The following CNTNAP2 variants were observed in gnomAD, a reference collection of about 807,000 sequenced individuals.
The protein encoded by CNTNAP2 is contactin associated protein 2, also known as contactin-associated protein-like 2.
In CNTNAP2, 98 loss-of-function variants were observed where a neutral mutation model predicts 155.2. That is an observed-to-expected ratio of 0.63 (90% CI 0.54 to 0.75). The LOEUF (loss-of-function observed/expected upper bound fraction) is 0.75. Among genes scored for constraint, CNTNAP2 ranks in the 30% least tolerant of loss-of-function variants. CNTNAP2 has a pLI of 0.00. For synonymous variants in CNTNAP2, 651 were observed against 631.2 expected (o/e 1.03, Z -0.47); for missense variants, 1,727 against 1,688.1 (o/e 1.02, Z -0.40).
intron 14 of CNTNAP2, among the ~76,000 whole-genome samples, chr7:147,933,259 A>G (rs560391026): frequency 3.3e-5 from 5 of 152,292 alleles, no homozygotes; most frequent in African/African-American, 1.2e-4. Flanking sequence ...AAAACTGTAT[A>G]GAATGTTCTC....
In CNTNAP2 at chr7:147,128,690, A is replaced by G. The variant is rs1427235271; in HGVS notation, c.940-3A>G. ...GTTTACATTTAATTTCTTTTTCTCA[A>G]AGATAACCTTTGGAGGCATCCCTTT... On this transcript the variant is annotated splice_polypyrimidine_tract_variant and splice_region_variant and intron_variant, in intron 6 of 23. Coordinates refer to ENST00000361727, the MANE Select transcript of CNTNAP2 (RefSeq NM_014141.6). 3 of 1,613,764 alleles carry G rather than the reference A, an allele frequency of 1.9e-6. No homozygotes were observed. The highest frequency in any genetic ancestry group is 2.5e-6 in the Non-Finnish European group (3 of 1,179,868).
chr7:147,829,466 T>C (rs1798514532), intron 13 of CNTNAP2, among the ~76,000 whole-genome samples: 1 of 152,212 alleles, frequency 6.6e-6, no homozygotes. Flanking sequence ...GTGATCATAA[T>C]AGCTCTCCAT....
At chr7:146,474,999 ACGCGCG>A (rs549568997) in intron 1 of CNTNAP2, among the ~76,000 whole-genome samples, 2 of 138,510 alleles carry the variant, frequency 1.4e-5, no homozygotes, top group South Asian at 2.3e-4. Flanking sequence ...ACGAGCGCGC[ACGCGCG>A]CGCGCGCGCA....
intron 2 of CNTNAP2, among the ~76,000 whole-genome samples, chr7:146,802,896 G>A (rs899961390): frequency 1.3e-5 from 2 of 152,148 alleles, no homozygotes; most frequent in Non-Finnish European, 2.9e-5. Flanking sequence ...GAACTTGGAA[G>A]AGGATTGAAG....
intron 13 of CNTNAP2, among the ~76,000 whole-genome samples, chr7:147,654,978 G>C (rs756702728): frequency 6.0e-5 from 9 of 149,654 alleles, no homozygotes; most frequent in Non-Finnish European, 1.3e-4. Context: ...CACCATGCCC[G>C]GCTAATTTTT....
chr7:146,740,670 C>T (rs1168535287), intron 1 of CNTNAP2, among the ~76,000 whole-genome samples: 1 of 152,194 alleles, frequency 6.6e-6, no homozygotes, highest in Non-Finnish European at 1.5e-5. Flanking sequence ...CTGCCAGAAT[C>T]CTGGGTCCTG....
At chr7:146,755,566 C>T (rs1052885058) in intron 1 of CNTNAP2, among the ~76,000 whole-genome samples, 1 of 151,934 alleles carries the variant, frequency 6.6e-6, no homozygotes, top group Non-Finnish European at 1.5e-5. Flanking sequence ...TTTCAAATAA[C>T]ACTACCCAAT....
chr7:147,344,841 C>G (rs1374142570), intron 9 of CNTNAP2, among the ~76,000 whole-genome samples: 2 of 151,972 alleles, frequency 1.3e-5, no homozygotes, highest in Non-Finnish European at 2.9e-5. Flanking sequence ...TCATCTGATT[C>G]TTCTGTTGAC....
chr7:147,333,088 A>G (rs895863544), intron 9 of CNTNAP2, among the ~76,000 whole-genome samples: 3 of 152,172 alleles, frequency 2.0e-5, no homozygotes, highest in Non-Finnish European at 4.4e-5. Flanking sequence ...TCTTGAGGCC[A>G]TAGTGCTCCC....
At chr7:146,147,652 T>G (rs1052990100) in intron 1 of CNTNAP2, among the ~76,000 whole-genome samples, 1 of 152,148 alleles carries the variant, frequency 6.6e-6, no homozygotes, top group African/African-American at 2.4e-5. Flanking sequence ...AAGATTCACC[T>G]GTCACTCTAG....
Position 147,498,547 on chromosome 7 carries a change from G to A in CNTNAP2, c.1777+12506G>A, listed in dbSNP as rs114381105. On this transcript the variant is annotated intron_variant, in intron 11 of 23. Coordinates refer to ENST00000361727, the MANE Select transcript of CNTNAP2 (RefSeq NM_014141.6). ...AGTAAAAATAATACTACAGAATGAT[G>A]CATAGGGCAAAAATAGTATAGAGGA... Among the ~76,000 whole-genome samples the A allele has an allele frequency of 6.6e-3, 1,009 of 152,314 alleles. 10 individuals are homozygous for A. The highest frequency in any genetic ancestry group is 0.023 in the African/African-American group (950 of 41,554).
At chr7:147,859,178 A>T (rs918651980) in intron 13 of CNTNAP2, among the ~76,000 whole-genome samples, 2 of 152,268 alleles carry the variant, frequency 1.3e-5, no homozygotes, top group East Asian at 3.9e-4. Context: ...TTAACAATAC[A>T]TAGCTTCGTA....
At chr7:146,965,395 A>G (rs1402692384) in intron 3 of CNTNAP2, among the ~76,000 whole-genome samples, 4 of 78,894 alleles carry the variant, frequency 5.1e-5, no homozygotes, top group Non-Finnish European at 9.6e-5. Context: ...AAATTAGCAG[A>G]GTCAGAACTC....
intron 10 of CNTNAP2, among the ~76,000 whole-genome samples, chr7:147,452,551 A>G (rs1206117464): frequency 6.6e-6 from 1 of 152,190 alleles, no homozygotes; most frequent in African/African-American, 2.4e-5. Context: ...CTGGTGTAGT[A>G]CTAATAAAAA....
At chr7:147,477,688 C>A (rs1445210928) in intron 10 of CNTNAP2, among the ~76,000 whole-genome samples, 2 of 152,162 alleles carry the variant, frequency 1.3e-5, no homozygotes. Flanking sequence ...CTCCGTGGTG[C>A]ATCTCTTGAT....
At chr7:146,778,611 G>A (rs1461955447) in intron 2 of CNTNAP2, among the ~76,000 whole-genome samples, 2 of 152,120 alleles carry the variant, frequency 1.3e-5, no homozygotes, top group Non-Finnish European at 2.9e-5. Flanking sequence ...TCTTTCCAAG[G>A]TTAGCACAGA....
intron 14 of CNTNAP2, among the ~76,000 whole-genome samples, chr7:147,926,553 TAA>T (rs1800402535): frequency 6.6e-6 from 1 of 152,186 alleles, no homozygotes; most frequent in Non-Finnish European, 1.5e-5. Context: ...TTGAACACAT[TAA>T]GTCACTGTGA....
intron 9 of CNTNAP2, among the ~76,000 whole-genome samples, chr7:147,328,341 A>G (rs750336558): frequency 2.0e-5 from 3 of 152,208 alleles, no homozygotes; most frequent in Non-Finnish European, 4.4e-5. Context: ...ACTAAATCAT[A>G]CATTCTGTGA....
At chr7:146,565,804 A>G (rs1186256321) in intron 1 of CNTNAP2, among the ~76,000 whole-genome samples, 1 of 152,262 alleles carries the variant, frequency 6.6e-6, no homozygotes, top group Non-Finnish European at 1.5e-5. Flanking sequence ...GGCCCATGCC[A>G]TACTTCAAAT....
Sources: gnomAD v4.1 joint callset for allele counts (sites outside exome capture counted in the v4.1 genomes callset) on GRCh38, gnomAD v4.1.1 for gene constraint, MANE v1.5 for transcripts, NCBI Gene and HGNC (gene_info 2026-07-23, HGNC 2026-07-21) for gene names.